FAM13A: variants seen among roughly 807,000 people sequenced by gnomAD.
The protein encoded by FAM13A is protein FAM13A.
In FAM13A, 76 loss-of-function variants were observed where a neutral mutation model predicts 129.6. The observed-to-expected ratio is 0.59, with a 90% confidence interval of 0.49 to 0.71. The LOEUF (loss-of-function observed/expected upper bound fraction) is 0.71, where lower values mean the gene tolerates loss of function less well. Ranked by LOEUF, FAM13A falls within the 30% of genes least tolerant of loss-of-function variation. The probability of loss-of-function intolerance (pLI) is 0.00; values close to 1 mark genes in which losing one functional copy is unlikely to be tolerated. For synonymous variants in FAM13A, 443 were observed against 449.9 expected (o/e 0.98, Z 0.20); for missense variants, 1,108 against 1,249.3 (o/e 0.89, Z 1.70).
chr4:88,881,200 A>ACTAAGGACTCTCT (rs1206684971), intron 6 of FAM13A, among the ~76,000 whole-genome samples: 7 of 152,222 alleles, frequency 4.6e-5, no homozygotes, highest in African/African-American at 1.7e-4. Flanking sequence ...CAAAACTACA[A>ACTAAGGACTCTCT]CTAAGGACTC....
At chr4:88,864,536 G>A (rs1365024895) in intron 6 of FAM13A, among the ~76,000 whole-genome samples, 2 of 151,900 alleles carry the variant, frequency 1.3e-5, no homozygotes, top group Non-Finnish European at 1.5e-5. Flanking sequence ...AGCCTCCCGA[G>A]TAGCTGGGAC....
chr4:88,806,384 A>G (rs760298097), intron 7 of FAM13A, among the ~76,000 whole-genome samples: 3 of 152,000 alleles, frequency 2.0e-5, no homozygotes, highest in Non-Finnish European at 4.4e-5. Flanking sequence ...CTTATTTTTA[A>G]TTTTCTTAAG....
chr4:89,047,354 G>T (rs937303754), intron 1 of FAM13A, among the ~76,000 whole-genome samples: 1 of 151,886 alleles, frequency 6.6e-6, no homozygotes, highest in South Asian at 2.1e-4. Flanking sequence ...CTCCAGACAC[G>T]TGTTACTATC....
At chr4:88,867,727 T>C (rs781763737) in intron 6 of FAM13A, among the ~76,000 whole-genome samples, 1 of 152,226 alleles carries the variant, frequency 6.6e-6, no homozygotes, top group African/African-American at 2.4e-5. Flanking sequence ...GAGAAGGATA[T>C]GTACAGCATG....
At chr4:88,751,280 A>G (rs1479385416) in intron 14 of FAM13A, among the ~76,000 whole-genome samples, 1 of 152,176 alleles carries the variant, frequency 6.6e-6, no homozygotes, top group Non-Finnish European at 1.5e-5. Flanking sequence ...CAAAGAAAAG[A>G]AAATGTGTTG....
At chr4:88,757,687 G>A (rs1743956815) in intron 14 of FAM13A, among the ~76,000 whole-genome samples, 1 of 152,142 alleles carries the variant, frequency 6.6e-6, no homozygotes, top group Non-Finnish European at 1.5e-5. Context: ...TTCAAGGACA[G>A]AACTAGAATA....
chr4:88,851,418 C>A (rs1422455765), intron 6 of FAM13A, among the ~76,000 whole-genome samples: 1 of 151,874 alleles, frequency 6.6e-6, no homozygotes, highest in Non-Finnish European at 1.5e-5. Context: ...ACCTTATATA[C>A]CCTACCGAGA....
chr4:88,865,878 C>CTT (rs34865210), intron 6 of FAM13A, among the ~76,000 whole-genome samples: 1,787 of 83,268 alleles, frequency 0.021, 31 homozygotes, highest in Non-Finnish European at 0.028. Flanking sequence ...TTGTCTCTCT[C>CTT]TTTTTTTTTT....
chr4:88,876,156 G>C (rs536399447), intron 6 of FAM13A, among the ~76,000 whole-genome samples: 2 of 152,234 alleles, frequency 1.3e-5, no homozygotes, highest in East Asian at 3.9e-4. Flanking sequence ...TGGGGGGCTG[G>C]GGGAGGGATA....
chr4:88,987,130 C>T lies in FAM13A; in HGVS notation c.605+3843G>A, dbSNP rs143729331. Among the ~76,000 whole-genome samples the T allele has an allele frequency of 3.7e-3, 563 of 152,158 alleles. 7 individuals are homozygous for T. Among genetic ancestry groups the T allele is most frequent in the Non-Finnish European group, 2.4e-3 (166 of 68,008 alleles). ...AGCCTAAAGGGACTCCCACAACTGC[C>T]AAATTTGGGATAATTTGAGCACAGG... On this transcript the variant is annotated intron_variant, in intron 4 of 23. Coordinates refer to ENST00000264344, the MANE Select transcript of FAM13A (RefSeq NM_014883.4).
chr4:88,901,307 C>T (rs1486400660), intron 6 of FAM13A, among the ~76,000 whole-genome samples: 2 of 152,172 alleles, frequency 1.3e-5, no homozygotes, highest in African/African-American at 4.8e-5. Context: ...TAGATACCTA[C>T]AGAACTCTCC....
At chr4:88,771,497 T>C (rs577827538) in intron 11 of FAM13A, among the ~76,000 whole-genome samples, 1 of 152,170 alleles carries the variant, frequency 6.6e-6, no homozygotes, top group East Asian at 1.9e-4. Context: ...TTAAACTGTT[T>C]TATGTCCCAA....
In FAM13A at chr4:88,763,946, T is replaced by C. The variant is rs1745270941; in HGVS notation, c.1578+3607A>G. The stretch of plus-strand genomic sequence containing the variant: ...TTTGAAGTAAATAGAGCTTGTTAAT[T>C]TTTCTGGTTATAATATTAAAACAAA... On this transcript the variant is annotated intron_variant, in intron 13 of 23. Transcript: ENST00000264344. 2.0e-5 allele frequency among the ~76,000 whole-genome samples: 3 copies of C among 152,178 alleles called. No individual in the cohort carries two copies. The South Asian group carries it at 6.2e-4, about 32-fold the overall frequency.
chr4:89,000,738 G>A (rs1289408308), intron 3 of FAM13A, among the ~76,000 whole-genome samples: 4 of 152,124 alleles, frequency 2.6e-5, no homozygotes, highest in Admixed American at 6.6e-5. Flanking sequence ...AATCAAGCAT[G>A]GGAAAAAATT....
intron 4 of FAM13A, among the ~76,000 whole-genome samples, chr4:88,958,284 G>T (rs890991178): frequency 2.0e-5 from 3 of 152,188 alleles, no homozygotes; most frequent in Non-Finnish European, 4.4e-5. Flanking sequence ...CATGTCCAGG[G>T]CCCTGCTACC....
At position 88,851,049 on chromosome 4, in the gene FAM13A, C is replaced by T; in HGVS notation, c.978G>A (p.Glu326=). The change falls in exon 7 of 24, where the codon GAG becomes GAA. Residue 326 remains glutamate, a synonymous_variant. Transcript: ENST00000264344. ...GTACCAACTTGGCACTAATAGCACC[C>T]TCTGCTGAATTCATGTCTTCCAAGC... ...KACLEDMNSA[E]GAISAKLVPS... 1 of 1,613,992 alleles carries T rather than the reference C, an allele frequency of 6.2e-7. No homozygotes were observed. Among genetic ancestry groups the T allele is most frequent in the Non-Finnish European group, 8.5e-7 (1 of 1,179,964 alleles).
At chr4:88,963,371 C>T (rs1447682415) in intron 4 of FAM13A, among the ~76,000 whole-genome samples, 2 of 151,166 alleles carry the variant, frequency 1.3e-5, no homozygotes, top group African/African-American at 4.9e-5. Context: ...GATCTCAGCT[C>T]ACTGCAACCT....
chr4:88,983,056 G>C (rs935587402), intron 4 of FAM13A, among the ~76,000 whole-genome samples: 8 of 152,096 alleles, frequency 5.3e-5, no homozygotes, highest in Non-Finnish European at 1.0e-4. Flanking sequence ...GCTCCCCTGG[G>C]ACTGAGTGAA....
intron 1 of FAM13A, among the ~76,000 whole-genome samples, chr4:89,045,488 T>G (rs1303331600): frequency 6.6e-6 from 1 of 152,152 alleles, no homozygotes. Context: ...ATTCACAAAA[T>G]CTTTGTTTAA....
Sources: gnomAD v4.1 joint callset for allele counts (sites outside exome capture counted in the v4.1 genomes callset) on GRCh38, gnomAD v4.1.1 for gene constraint, MANE v1.5 for transcripts, NCBI Gene and HGNC (gene_info 2026-07-23, HGNC 2026-07-21) for gene names.